Variants in DGKG observed in about 807,000 individuals in gnomAD.
DGKG encodes the protein DAG kinase gamma.
A neutral mutation model predicts 105.3 loss-of-function variants in DGKG; 78 were observed. The ratio of observed to expected loss-of-function variants is 0.74; its 90% confidence interval spans 0.62 to 0.89. The LOEUF is 0.89. Among genes scored for constraint, DGKG ranks in the 40% least tolerant of loss-of-function variants. The probability of loss-of-function intolerance (pLI) is 0.00; values close to 1 mark genes in which losing one functional copy is unlikely to be tolerated. For synonymous variants in DGKG, 346 were observed against 367.1 expected, an observed-to-expected ratio of 0.94 and a Z score of 0.66; for missense variants, 958 against 1,020.1, an observed-to-expected ratio of 0.94 and a Z score of 0.83.
intron 19 of DGKG, among the ~76,000 whole-genome samples, chr3:186,250,896 C>A (rs6787809): frequency 0.16 from 23,996 of 151,758 alleles, 2,391 homozygotes; most frequent in African/African-American, 0.29. Context: ...CTTTGTTGCA[C>A]TCCCACCCCC....
intron 19 of DGKG, among the ~76,000 whole-genome samples, chr3:186,244,818 T>C (rs1720861306): frequency 6.8e-6 from 1 of 148,060 alleles, no homozygotes; most frequent in Non-Finnish European, 1.5e-5. Flanking sequence ...CCCTGAGGCC[T>C]ATCCAGCCTG....
At chr3:186,221,656 C>T (rs1380736719) in intron 20 of DGKG, among the ~76,000 whole-genome samples, 3 of 152,148 alleles carry the variant, frequency 2.0e-5, no homozygotes, top group South Asian at 4.1e-4. Flanking sequence ...TATCTGAAGG[C>T]GGTGGGGACA....
intron 2 of DGKG, among the ~76,000 whole-genome samples, chr3:186,307,367 T>C (rs1367976337): frequency 1.3e-5 from 2 of 152,236 alleles, no homozygotes; most frequent in Non-Finnish European, 2.9e-5. Context: ...CCATATCAAG[T>C]TACATTTCCA....
rs1715576160 is a variant in DGKG at position 186,147,903 on chromosome 3, AG to A, written c.*2186del. 1.0e-6 allele frequency: 1 copy of A among 985,322 alleles called. No individual in the cohort carries two copies. Among genetic ancestry groups the A allele is most frequent in the African/African-American group, 1.7e-5 (1 of 57,234 alleles). The allele number at this position is 985,322 out of a possible 1,614,324, so 61.0% of individuals were successfully genotyped here. On this transcript the variant is annotated 3_prime_UTR_variant, in exon 25 of 25. Coordinates refer to ENST00000265022, the MANE Select transcript of DGKG (RefSeq NM_001346.3). ...CCATCACCAAGAATACCATCATTAAAGATATTCTTCAGGTGGCCTGGTTTTC... is the reference window on the plus strand; with the variant it reads ...CCATCACCAAGAATACCATCATTAAAATATTCTTCAGGTGGCCTGGTTTTC...
At chr3:186,290,543 T>C (rs542736425) in intron 5 of DGKG, among the ~76,000 whole-genome samples, 9 of 152,106 alleles carry the variant, frequency 5.9e-5, no homozygotes, top group Non-Finnish European at 1.3e-4. Flanking sequence ...CATAGGACAT[T>C]ATATTATCAG....
chr3:186,219,675 G>A (rs912118031), intron 20 of DGKG, among the ~76,000 whole-genome samples: 2 of 152,016 alleles, frequency 1.3e-5, no homozygotes, highest in African/African-American at 4.8e-5. Context: ...GAAGACTGGA[G>A]GCCAGAGACC....
Position 186,292,559 on chromosome 3 carries a change from C to T in DGKG, c.374-3679G>A, listed in dbSNP as rs190085674. 1.6e-3 allele frequency among the ~76,000 whole-genome samples: 251 copies of T among 152,248 alleles called. 1 individual carries two copies. Among genetic ancestry groups the T allele is most frequent in the Middle Eastern group, 6.8e-3 (2 of 292 alleles). ...CTGTAATCCCAGCACTTTGGGAGGC[C>T]GAGGTGGGTGGATCACCTGAGGTCA... On this transcript the variant is annotated intron_variant, in intron 5 of 24. Transcript: ENST00000265022.
intron 2 of DGKG, 89 bp from the exon 3 acceptor site, chr3:186,307,066 G>A (rs1724280441): frequency 2.3e-6 from 2 of 880,290 alleles, no homozygotes; most frequent in African/African-American, 3.3e-5. Context: ...CCATGTTTAT[G>A]TTGGAGCTGC....
At chr3:186,151,593 G>T (rs1395853609) in intron 24 of DGKG, among the ~76,000 whole-genome samples, 1 of 152,216 alleles carries the variant, frequency 6.6e-6, no homozygotes. Flanking sequence ...GGACACAGGT[G>T]GGGCAGCTGG....
intron 17 of DGKG, among the ~76,000 whole-genome samples, chr3:186,253,558 CT>C (rs1281071242): frequency 1.3e-5 from 2 of 152,160 alleles, no homozygotes; most frequent in African/African-American, 4.8e-5. Flanking sequence ...CTCAGCCTAA[CT>C]TTGTAAGGGA....
intron 1 of DGKG, among the ~76,000 whole-genome samples, chr3:186,360,266 G>T (rs1018655312): frequency 6.6e-6 from 1 of 151,992 alleles, no homozygotes; most frequent in African/African-American, 2.4e-5. Flanking sequence ...CCCATGTCTC[G>T]GTTGATCTGA....
At chr3:186,198,402 G>A (rs1718287650) in intron 21 of DGKG, among the ~76,000 whole-genome samples, 1 of 152,160 alleles carries the variant, frequency 6.6e-6, no homozygotes, top group Admixed American at 6.5e-5. Flanking sequence ...GACATTAAGA[G>A]GCAGAAGACA....
intron 22 of DGKG, among the ~76,000 whole-genome samples, chr3:186,179,074 C>T (rs1717233054): frequency 6.6e-6 from 1 of 152,214 alleles, no homozygotes; most frequent in Admixed American, 6.5e-5. Flanking sequence ...AGTAGGCCTG[C>T]AGTGGGACTT....
In DGKG at chr3:186,284,175, G is replaced by T. The variant is rs573342434; in HGVS notation, c.594+485C>A. On this transcript the variant is annotated intron_variant, in intron 7 of 24. Transcript: ENST00000265022. This position sits in a 1 kb window ranked among gnomAD's most constrained non-coding sequence, Gnocchi z 4.0. ...CCTGGAGTAGGAGAGGCAGCCAAGGGTGACGGCAAAGCACATCAGCAGTGA... is the reference window on the plus strand; with the variant it reads ...CCTGGAGTAGGAGAGGCAGCCAAGGTTGACGGCAAAGCACATCAGCAGTGA... Among the ~76,000 whole-genome samples the T allele has an allele frequency of 1.4e-4, 22 of 152,226 alleles. No homozygotes were observed. The South Asian group carries it at 1.9e-3, about 13-fold the overall frequency.
chr3:186,345,272 C>T (rs73885857), intron 1 of DGKG, among the ~76,000 whole-genome samples: 1,906 of 152,232 alleles, frequency 0.013, 38 homozygotes, highest in African/African-American at 0.044. Flanking sequence ...TTTTGCACAA[C>T]ACTTTGTTTT....
chr3:186,260,765 G>A (rs564320394), intron 15 of DGKG, among the ~76,000 whole-genome samples: 2 of 152,168 alleles, frequency 1.3e-5, no homozygotes, highest in Admixed American at 6.5e-5. Flanking sequence ...CAGAAGCATC[G>A]CCCCTTACAA....
At chr3:186,265,666 T>TTTC (rs1553810046) in intron 13 of DGKG, among the ~76,000 whole-genome samples, 219 of 139,512 alleles carry the variant, frequency 1.6e-3, no homozygotes, top group African/African-American at 5.4e-3. Flanking sequence ...TCTTTTTTTT[T>TTTC]TTTTTTTTTT....
Position 186,147,327 on chromosome 3 carries a change from A to G in DGKG, c.*2763T>C. On this transcript the variant is annotated 3_prime_UTR_variant, in exon 25 of 25. Coordinates refer to ENST00000265022, the MANE Select transcript of DGKG (RefSeq NM_001346.3). ...GGATTAGGTTCTCCCCTGACTAACC[A>G]TGTGGCTTTGAGAAGTCACTAAACC... The G allele has an allele frequency of 1.0e-6, 1 of 985,420 alleles. No individual in the cohort carries two copies. Among genetic ancestry groups the G allele is most frequent in the Non-Finnish European group, 1.2e-6 (1 of 829,548 alleles). The allele number at this position is 985,420 out of a possible 1,614,324, so 61.0% of individuals were successfully genotyped here. A position where few individuals can be genotyped will look rare whatever the true frequency, so the allele number is the denominator to read the frequency against.
rs1467285263 is a variant in DGKG at position 186,299,710 on chromosome 3, C to G, written c.145-1481G>C. On this transcript the variant is annotated intron_variant, in intron 3 of 24. Transcript: ENST00000265022. ...TCCTCCCACATCCTCCTCCTTTTTC[C>G]TAATATACAATAACAAAATCTTTTC... Among the ~76,000 whole-genome samples the G allele has an allele frequency of 2.6e-5, 4 of 152,096 alleles. No homozygotes were observed. The East Asian group carries it at 7.7e-4, about 29-fold the overall frequency.
Sources: gnomAD v4.1 joint callset for allele counts (sites outside exome capture counted in the v4.1 genomes callset) on GRCh38, gnomAD v4.1.1 for gene constraint, Gnocchi (gnomAD v3.1) non-coding constraint, MANE v1.5 for transcripts, NCBI Gene and HGNC (gene_info 2026-07-23, HGNC 2026-07-21) for gene names.